The following DDX19A variants were observed in gnomAD, a reference collection of about 807,000 sequenced individuals.
DDX19A encodes ATP-dependent RNA helicase DDX19A.
In DDX19A, 12 loss-of-function variants were observed where a neutral mutation model predicts 60.6. The observed-to-expected ratio is 0.20, with a 90% CI of 0.13 to 0.32. The LOEUF (loss-of-function observed/expected upper bound fraction) is 0.32, where lower values mean the gene tolerates loss of function less well. Ranked by LOEUF, DDX19A falls within the 10% of genes least tolerant of loss-of-function variation. The pLI is 1.00. For missense variants in DDX19A, 337 were observed against 600.6 expected, an observed-to-expected ratio of 0.56 and a Z score of 4.59; for synonymous variants, 206 against 218.2, an observed-to-expected ratio of 0.94 and a Z score of 0.49.
Position 70,370,343 on chromosome 16 carries a change from G to A in DDX19A, c.1141G>A (p.Gly381Ser). The change falls in exon 10 of 12, where the codon GGC becomes AGC. Residue 381 changes from glycine (G) to serine (S), a missense_variant. Around this residue, in one of 6 missense-constraint regions of DDX19A, gnomAD observed 117 missense variants for 274.3 expected, o/e 0.43. Transcript: ENST00000302243. ...RAAVIERFRE[G>S]KEKVLVTTNV... ...TGCGGTGATTGAGCGCTTCCGAGAG[G>A]GCAAAGAGAAGGTTTTGGTGACCAC... 1.2e-6 allele frequency: 2 copies of A among 1,613,998 alleles called. No individual in the cohort carries two copies. Among genetic ancestry groups the A allele is most frequent in the Middle Eastern group, 1.7e-4 (1 of 6,056 alleles).
At chr16:70,360,323 T>TTCTTTC (rs1228527647) in intron 4 of DDX19A, among the ~76,000 whole-genome samples, 2 of 116,412 alleles carry the variant, frequency 1.7e-5, no homozygotes, top group African/African-American at 5.3e-5. Context: ...CTTTCTTTCT[T>TTCTTTC]TTTTTTTTTT....
At chr16:70,347,087 G>A (rs779970075) in intron 1 of DDX19A, 39 bp downstream of exon 1, 1 of 1,591,570 alleles carries the variant, frequency 6.3e-7, no homozygotes, top group African/African-American at 1.3e-5. Flanking sequence ...ACGTAGCAGG[G>A]GCCCAAGCGA....
rs1485613759 is a variant in DDX19A, at chr16:70,371,950, A to G, written c.1401A>G (p.Thr467=). 6.2e-7 allele frequency: 1 copy of G among 1,614,034 alleles called. No individual in the cohort carries two copies. Among genetic ancestry groups the G allele is most frequent in the Non-Finnish European group, 8.5e-7 (1 of 1,179,880 alleles). Residue 467 remains threonine, a synonymous_variant, in exon 12 of 12, where the codon ACA becomes ACG. Coordinates refer to ENST00000302243, the MANE Select transcript of DDX19A (RefSeq NM_018332.5). ...ATAAGAAGATAGAAAGATTGGACAC[A>G]GATGATTTGGACGAGATTGAGAAAA... The part of the protein sequence containing the change: ...HFNKKIERLD[T]DDLDEIEKIA...
At chr16:70,358,988 T>C (rs367831645) in intron 4 of DDX19A, among the ~76,000 whole-genome samples, 3 of 152,246 alleles carry the variant, frequency 2.0e-5, no homozygotes, top group African/African-American at 7.2e-5. Context: ...GACAGTTTGC[T>C]CCTCCAAGTA....
chr16:70,363,029 A>AT (rs1964415048), intron 5 of DDX19A, among the ~76,000 whole-genome samples: 1 of 147,206 alleles, frequency 6.8e-6, no homozygotes, highest in Non-Finnish European at 1.5e-5. Context: ...AAAAAAAAAA[A>AT]TTTGTAGAGA....
Position 70,371,578 on chromosome 16 carries a change from G to A in DDX19A, c.1375+15G>A, listed in dbSNP as rs970433503. 1 of 1,368,760 alleles carries A rather than the reference G, an allele frequency of 7.3e-7. No homozygotes were observed. The highest frequency in any genetic ancestry group is 2.2e-5 in the Admixed American group (1 of 44,614). 84.8% of individuals were successfully genotyped at this position (1,368,760 alleles called of 1,614,324 possible). A position where few individuals can be genotyped will look rare whatever the true frequency, so the allele number is the denominator to read the frequency against. On this transcript the variant is annotated intron_variant, in intron 11 of 11. Coordinates refer to ENST00000302243, the MANE Select transcript of DDX19A (RefSeq NM_018332.5). The stretch of plus-strand genomic sequence containing the variant: ...GGAGCATTTTAGTGAGTCCCGGGGA[G>A]GGTCCTGTGCCTGGCGCCCTTTGCT...
At chr16:70,369,031 C>G (rs1964601434) in intron 9 of DDX19A, among the ~76,000 whole-genome samples, 1 of 151,674 alleles carries the variant, frequency 6.6e-6, no homozygotes, top group Non-Finnish European at 1.5e-5. Flanking sequence ...CCACACCTGG[C>G]TAATTTTGTA....
intron 2 of DDX19A, among the ~76,000 whole-genome samples, chr16:70,352,187 C>G (rs1964035727): frequency 6.7e-6 from 1 of 149,940 alleles, no homozygotes; most frequent in Admixed American, 6.7e-5. Context: ...CTCTCTCAAC[C>G]AAAACGTGGC....
At chr16:70,353,531 T>C (rs1964091299) in intron 2 of DDX19A, among the ~76,000 whole-genome samples, 1 of 151,988 alleles carries the variant, frequency 6.6e-6, no homozygotes, top group South Asian at 2.1e-4. Flanking sequence ...CCCTATCAGA[T>C]TGGCAAATTC....
At chr16:70,361,554 C>T (rs1964364124) in intron 5 of DDX19A, 44 bp downstream of exon 5, 1 of 1,504,988 alleles carries the variant, frequency 6.6e-7, no homozygotes, top group Non-Finnish European at 9.2e-7. Context: ...GTGATTAGAT[C>T]AATCTTCCCC....
Position 70,371,872 on chromosome 16 carries a change from T to C in DDX19A, c.1376-53T>C, listed in dbSNP as rs370597512. The C allele has an allele frequency of 2.0e-4, 316 of 1,613,728 alleles. 2 individuals carry two copies. The African/African-American group carries it at 2.5e-3, about 13-fold the overall frequency. On this transcript the variant is annotated intron_variant, in intron 11 of 11. Coordinates refer to ENST00000302243, the MANE Select transcript of DDX19A (RefSeq NM_018332.5). ...GCCTGAATGAATGATTGCTGTGGCC[T>C]GAGGTGGGGCACATTCCTGGGCAGG...
At chr16:70,369,787 T>C (rs1964628802) in intron 9 of DDX19A, among the ~76,000 whole-genome samples, 1 of 151,754 alleles carries the variant, frequency 6.6e-6, no homozygotes, top group Admixed American at 6.6e-5. Flanking sequence ...CCTAGCTAAA[T>C]TTTTTGTAGA....
Position 70,373,129 on chromosome 16 carries a change from GGGAGGCTGAGGTA to G in DDX19A, c.*1149_*1161del, listed in dbSNP as rs1241725156. 1 of 152,018 alleles carries G rather than the reference GGGAGGCTGAGGTA, an allele frequency of 6.6e-6. No homozygotes were observed. The highest frequency in any genetic ancestry group is 2.4e-5 in the African/African-American group (1 of 41,304). The allele number at this position is 152,018 out of a possible 1,614,324, so 9.4% of individuals were successfully genotyped here. A position where few individuals can be genotyped will look rare whatever the true frequency, so the allele number is the denominator to read the frequency against. ...CGCACGCCTGTAGTCCCAGCTACTCGGGAGGCTGAGGTAGGAGGATCGCTTGAGCCTGGGTAGA... is the reference window on the plus strand; with the variant it reads ...CGCACGCCTGTAGTCCCAGCTACTCGGGAGGATCGCTTGAGCCTGGGTAGA... On this transcript the variant is annotated 3_prime_UTR_variant, in exon 12 of 12. Transcript: ENST00000302243.
At chr16:70,347,221 G>A in intron 1 of DDX19A, 173 bp downstream of exon 1, 1 of 640,278 alleles carries the variant, frequency 1.6e-6, no homozygotes, top group Non-Finnish European at 2.8e-6. Context: ...CCAATGTCGA[G>A]CTTTTTATCT....
At chr16:70,360,523 T>A (rs891770721) in intron 4 of DDX19A, among the ~76,000 whole-genome samples, 1 of 150,908 alleles carries the variant, frequency 6.6e-6, no homozygotes, top group African/African-American at 2.5e-5. Flanking sequence ...TTGTTTTGTT[T>A]TAGAGACAGG....
rs1567655537 is a variant in DDX19A, at chr16:70,365,020, C to G, written c.493C>G (p.Leu165Val). The change falls in exon 7 of 12, where the codon CTG becomes GTG. Residue 165 changes from leucine to valine, a missense_variant. By Grantham distance (32) the Leu-to-Val change is conservative (BLOSUM62 1). Transcript: ENST00000302243. The stretch of plus-strand genomic sequence containing the variant: ...TCCTTTATGATTTTTCTGTCAGTGT[C>G]TGTGCCTCTCCCCAACATATGAGCT... ...VEPSDRYPQC[L>V]CLSPTYELAL... 1 of 1,613,786 alleles carries G rather than the reference C, an allele frequency of 6.2e-7. No individual in the cohort carries two copies. The highest frequency in any genetic ancestry group is 1.7e-5 in the Admixed American group (1 of 59,986).
At chr16:70,357,362 G>GTTTTTTTTTTTTTTTTTTTTTTTTTTTT (rs1248365917) in intron 4 of DDX19A, among the ~76,000 whole-genome samples, 3 of 48,864 alleles carry the variant, frequency 6.1e-5, no homozygotes, top group African/African-American at 1.6e-4. Flanking sequence ...TCTGTTTTTG[G>GTTTTTTTTTTTTTTTTTTTTTTTTTTTT]TTTGTTTTTT....
At chr16:70,355,737 G>A in intron 3 of DDX19A, 1 of 595,698 alleles carries the variant, frequency 1.7e-6, no homozygotes, top group Non-Finnish European at 3.0e-6. Context: ...CGAGGTGGGA[G>A]GATTCCTTTG....
chr16:70,354,219 C>T (rs1220162033), intron 2 of DDX19A, among the ~76,000 whole-genome samples: 1 of 151,650 alleles, frequency 6.6e-6, no homozygotes, highest in Non-Finnish European at 1.5e-5. Context: ...AATCTCAGCT[C>T]ACTGCAACCT....
Sources: allele counts gnomAD v4.1 joint callset (sites outside exome capture counted in the v4.1 genomes callset), GRCh38; gene constraint gnomAD v4.1.1; regional missense constraint gnomAD v4.1.1; transcripts MANE v1.5; gene names NCBI Gene and HGNC (gene_info 2026-07-23, HGNC 2026-07-21).